The following ISM1 variants were observed in gnomAD, a reference collection of about 807,000 sequenced individuals.
ISM1 encodes the protein isthmin-1.
ISM1 carries 25 observed loss-of-function variants against 46.3 expected under a neutral mutation model. That is an observed-to-expected ratio of 0.54 (90% CI 0.39 to 0.75). ISM1 has a LOEUF of 0.75. Among genes scored for constraint, ISM1 ranks in the 30% least tolerant of loss-of-function variants. The probability of loss-of-function intolerance (pLI) is 0.00; values close to 1 mark genes in which losing one functional copy is unlikely to be tolerated. For synonymous variants in ISM1, 255 were observed against 256.7 expected (o/e 0.99, Z 0.06); for missense variants, 536 against 625.4 (o/e 0.86, Z 1.52).
chr20:13,311,543 A>C, the ISM1 span, among the ~76,000 whole-genome samples: 1 of 152,258 alleles, frequency 6.6e-6, no homozygotes. Context: ...ATAAGTGTTC[A>C]TATACAGATA....
At chr20:13,251,440 T>G (rs1288581467) in intron 1 of ISM1, among the ~76,000 whole-genome samples, 1 of 152,142 alleles carries the variant, frequency 6.6e-6, no homozygotes, top group African/African-American at 2.4e-5. Flanking sequence ...CGTCGTGGAA[T>G]CTCTGTTCAA....
In ISM1 at chr20:13,270,405, C is replaced by T. The variant is rs2040097995; in HGVS notation, c.139-99C>T. 8 of 1,364,592 alleles carry T rather than the reference C, an allele frequency of 5.9e-6. No individual in the cohort carries two copies. In the Admixed American group the frequency reaches 1.7e-4, roughly 30 times the overall value. The allele number at this position is 1,364,592 out of a possible 1,614,324, so 84.5% of individuals were successfully genotyped here. A position where few individuals can be genotyped will look rare whatever the true frequency, so the allele number is the denominator to read the frequency against. On this transcript the variant is annotated intron_variant, in intron 1 of 5. Transcript: ENST00000262487. Reference sequence around the variant, plus strand: ...TGCCCTACTGGCTTAATTTCAGCCACTGGAATTGTCCTTGCTCCTGAATAT... The same window carrying T: ...TGCCCTACTGGCTTAATTTCAGCCATTGGAATTGTCCTTGCTCCTGAATAT...
chr20:13,302,637 C>G (rs1215585988), downstream of ISM1, among the ~76,000 whole-genome samples: 1 of 152,188 alleles, frequency 6.6e-6, no homozygotes, highest in Non-Finnish European at 1.5e-5. Context: ...CTGTGGAATT[C>G]TAAGGAATGT....
At position 13,221,766 on chromosome 20, in the gene ISM1, G is replaced by T. The variant is rs1394603268; in HGVS notation, c.-11G>T. Reference sequence around the variant, plus strand: ...GCCGCGCCGGGTCCTAAAGCCGCGCGTCTCAAAAGGATGGTGCGCCTGGCG... The same window carrying T: ...GCCGCGCCGGGTCCTAAAGCCGCGCTTCTCAAAAGGATGGTGCGCCTGGCG... On this transcript the variant is annotated 5_prime_UTR_variant, in exon 1 of 6. Transcript: ENST00000262487. The T allele has an allele frequency of 2.1e-6, 3 of 1,431,598 alleles. No individual in the cohort carries two copies. The African/African-American group carries it at 4.5e-5, about 21-fold the overall frequency. 88.7% of individuals were successfully genotyped at this position (1,431,598 alleles called of 1,614,324 possible).
At chr20:13,286,125 CT>C (rs564123878) in intron 3 of ISM1, among the ~76,000 whole-genome samples, 1 of 152,010 alleles carries the variant, frequency 6.6e-6, no homozygotes, top group Non-Finnish European at 1.5e-5. Context: ...TACTTTTGAC[CT>C]TTTTTTAGCT....
intron 2 of ISM1, among the ~76,000 whole-genome samples, chr20:13,273,727 G>A (rs963182932): frequency 4.6e-5 from 7 of 152,124 alleles, no homozygotes; most frequent in Non-Finnish European, 7.4e-5. Flanking sequence ...AAATTAATGC[G>A]GCTCCAGCCT....
chr20:13,289,677 G>T (rs1010396305), intron 4 of ISM1, among the ~76,000 whole-genome samples: 2 of 137,212 alleles, frequency 1.5e-5, no homozygotes, highest in East Asian at 4.2e-4. Context: ...GGAGGAGGGG[G>T]AGGAGGAGGA....
At chr20:13,225,001 A>G (rs752821352) in intron 1 of ISM1, among the ~76,000 whole-genome samples, 5 of 145,102 alleles carry the variant, frequency 3.4e-5, no homozygotes, top group South Asian at 2.2e-4. Context: ...GCCTGCCACC[A>G]CGCCCGGCTA....
At chr20:13,288,802 T>C in intron 4 of ISM1, 119 bp downstream of exon 4, 1 of 1,065,920 alleles carries the variant, frequency 9.4e-7, no homozygotes, top group South Asian at 1.6e-5. Flanking sequence ...TTTTTTTTTT[T>C]GAGACGGAGT....
intron 1 of ISM1, among the ~76,000 whole-genome samples, chr20:13,226,127 A>C (rs989656758): frequency 6.6e-6 from 1 of 152,200 alleles, no homozygotes; most frequent in African/African-American, 2.4e-5. Context: ...CAATAACATT[A>C]AAGCAAACCA....
chr20:13,316,910 A>G, the ISM1 span, among the ~76,000 whole-genome samples: 1 of 151,902 alleles, frequency 6.6e-6, no homozygotes, highest in Non-Finnish European at 1.5e-5. Flanking sequence ...TTCCTTTTCA[A>G]CATCATACTA....
the ISM1 span, among the ~76,000 whole-genome samples, chr20:13,309,461 A>G: frequency 1.1e-4 from 16 of 152,316 alleles, no homozygotes; most frequent in Non-Finnish European, 2.2e-4. Context: ...CCCACAGCTA[A>G]CATCATACTC....
In ISM1 at chr20:13,270,597, C is replaced by T. The variant is rs758339741; in HGVS notation, c.232C>T (p.His78Tyr). 1.2e-6 allele frequency: 2 copies of T among 1,613,986 alleles called. No homozygotes were observed. Among genetic ancestry groups the T allele is most frequent in the Non-Finnish European group, 8.5e-7 (1 of 1,179,870 alleles). The change falls in exon 2 of 6, where the codon CAC becomes TAC. Residue 78 changes from histidine to tyrosine, a missense_variant. By Grantham distance (83) the His-to-Tyr change is moderately conservative. This residue lies in a region of ISM1 where 367 missense variants were observed against 376.1 expected (regional missense o/e 0.98). Transcript: ENST00000262487. The part of the protein sequence containing the change: ...PREHLDHQAA[H>Y]QPFPRPRFRQ... ...GGAGCATCTGGACCACCAGGCTGCACACCAACCCTTCCCCAGACCGCGATT... is the reference window on the plus strand; with the variant it reads ...GGAGCATCTGGACCACCAGGCTGCATACCAACCCTTCCCCAGACCGCGATT...
At chr20:13,324,279 G>C in the ISM1 span, among the ~76,000 whole-genome samples, 1 of 152,188 alleles carries the variant, frequency 6.6e-6, no homozygotes, top group Admixed American at 6.5e-5. Context: ...ATGACAGCAA[G>C]GAATCAATTA....
chr20:13,294,513 A>G (rs1395634362), intron 5 of ISM1, among the ~76,000 whole-genome samples: 1 of 152,214 alleles, frequency 6.6e-6, no homozygotes, highest in Non-Finnish European at 1.5e-5. Flanking sequence ...TGCTTTGCAG[A>G]ACACAGCCCA....
At chr20:13,319,610 T>C in the ISM1 span, among the ~76,000 whole-genome samples, 1 of 152,236 alleles carries the variant, frequency 6.6e-6, no homozygotes, top group Admixed American at 6.5e-5. Context: ...TCTCCTTTAT[T>C]TGTCAAAACA....
intron 1 of ISM1, among the ~76,000 whole-genome samples, chr20:13,222,138 C>T (rs1051018276): frequency 6.6e-6 from 1 of 152,152 alleles, no homozygotes; most frequent in Non-Finnish European, 1.5e-5. Context: ...GGCTGCGCTC[C>T]TTCAGTTCTG....
intron 1 of ISM1, among the ~76,000 whole-genome samples, chr20:13,246,112 C>T (rs1413214332): frequency 1.3e-5 from 2 of 151,280 alleles, no homozygotes; most frequent in African/African-American, 4.9e-5. Flanking sequence ...ACTGAAAATA[C>T]ACAAAAAAGA....
the ISM1 span, among the ~76,000 whole-genome samples, chr20:13,317,532 C>G: frequency 1.3e-5 from 2 of 152,154 alleles, no homozygotes; most frequent in Admixed American, 6.5e-5. Flanking sequence ...TACTACCTGA[C>G]TCTAAGACAT....
Sources: allele counts gnomAD v4.1 joint callset (sites outside exome capture counted in the v4.1 genomes callset), GRCh38; gene constraint gnomAD v4.1.1; regional missense constraint gnomAD v4.1.1; transcripts MANE v1.5; gene names NCBI Gene and HGNC (gene_info 2026-07-23, HGNC 2026-07-21).